The following ASTN2 variants were observed in gnomAD, a reference collection of about 807,000 sequenced individuals.
The protein encoded by ASTN2 is astrotactin-2.
ASTN2 carries 54 observed loss-of-function variants against 139.8 expected under a neutral mutation model. The observed-to-expected ratio is 0.39, with a 90% CI of 0.31 to 0.48. The LOEUF (loss-of-function observed/expected upper bound fraction) is 0.48. Among genes scored for constraint, ASTN2 ranks in the 20% least tolerant of loss-of-function variants. ASTN2 has a pLI of 0.95. For missense variants in ASTN2, 1,565 were observed against 1,725.1 expected, an observed-to-expected ratio of 0.91 and a Z score of 1.64; for synonymous variants, 756 against 719.5, an observed-to-expected ratio of 1.05 and a Z score of -0.81.
chr9:116,594,554 C>A (rs1449494016), intron 19 of ASTN2, among the ~76,000 whole-genome samples: 1 of 152,162 alleles, frequency 6.6e-6, no homozygotes, highest in Non-Finnish European at 1.5e-5. Flanking sequence ...TCAGAAGAGT[C>A]CAGTCTCACT....
chr9:117,220,028 G>A (rs951241106), intron 2 of ASTN2, among the ~76,000 whole-genome samples: 1 of 152,212 alleles, frequency 6.6e-6, no homozygotes, highest in African/African-American at 2.4e-5. Context: ...CCTTTAAAAT[G>A]AGGCTGATAG....
rs753750308 is a variant in ASTN2 at position 116,975,240 on chromosome 9, A to G, written c.1857T>C (p.Asp619=). The G allele has an allele frequency of 6.8e-6, 11 of 1,613,374 alleles. No homozygotes were observed. Among genetic ancestry groups the G allele is most frequent in the South Asian group, 1.1e-5 (1 of 90,904 alleles). ...SINPLASCKT[D]VLVTEDPADV... The stretch of plus-strand genomic sequence containing the variant: ...CTGCAGGGTCTTCCGTGACGAGCAC[A>G]TCGGTCTTGCAGCTGGCCAGGGGGT... The change falls in exon 10 of 23, where the codon GAT becomes GAC. Residue 619 remains aspartate, a synonymous_variant. Coordinates refer to ENST00000313400, the MANE Select transcript of ASTN2 (RefSeq NM_001365068.1).
At chr9:117,112,255 GT>G (rs910039945) in intron 4 of ASTN2, among the ~76,000 whole-genome samples, 2,340 of 145,158 alleles carry the variant, frequency 0.016, 65 homozygotes, top group African/African-American at 0.054. Flanking sequence ...TCCCAACAAG[GT>G]TTTTTTTTTT....
At chr9:116,878,255 G>A (rs1336999994) in intron 10 of ASTN2, among the ~76,000 whole-genome samples, 2 of 152,198 alleles carry the variant, frequency 1.3e-5, no homozygotes, top group African/African-American at 4.8e-5. Context: ...CATGGCATGT[G>A]TATGTTCATT....
chr9:116,900,674 C>G (rs1035933258), intron 10 of ASTN2, among the ~76,000 whole-genome samples: 1 of 152,136 alleles, frequency 6.6e-6, no homozygotes, highest in Admixed American at 6.5e-5. Context: ...ACCATTGGTT[C>G]CAGCTCATCC....
chr9:116,584,210 GTGA>G (rs1313519541), intron 19 of ASTN2: 3 of 152,232 alleles, frequency 2.0e-5, no homozygotes, highest in Admixed American at 6.5e-5. Context: ...GGAAATTTGA[GTGA>G]TGTGTCTCCC....
At position 117,291,463 on chromosome 9, in the gene ASTN2, A is replaced by T. The variant is rs1372647455; in HGVS notation, c.493T>A (p.Trp165Arg). 2.5e-6 allele frequency: 4 copies of T among 1,613,824 alleles called. No homozygotes were observed. The East Asian group carries it at 6.7e-5, about 27-fold the overall frequency. ...DISLVHWRQQWLENGTLYFHV... is the reference protein window; with the variant it reads ...DISLVHWRQQRLENGTLYFHV... ...AAGTACAAGGTGCCATTCTCCAGCC[A>T]CTGCTGTCTCCAGTGCACCAGCGAG... is the stretch of plus-strand genomic sequence containing the variant. Residue 165 changes from tryptophan (W) to arginine (R), a missense_variant, in exon 2 of 23, where the codon TGG becomes AGG. Trp to Arg is a moderately radical substitution (Grantham distance 101). Around this residue, in one of 4 missense-constraint regions of ASTN2, gnomAD observed 596 missense variants for 576.8 expected, o/e 1.03. Transcript: ENST00000313400.
In ASTN2 at chr9:116,468,289, GAC is replaced by G. The variant is rs143742177; in HGVS notation, c.3497+19068_3497+19069del. 6.5e-3 allele frequency among the ~76,000 whole-genome samples: 990 copies of G among 152,296 alleles called. 9 individuals carry two copies. Among genetic ancestry groups the G allele is most frequent in the African/African-American group, 0.023 (954 of 41,566 alleles). ...TAAAAATTAGTAAGGAAGAAATGGG[GAC>G]TTTTGCCAACTCAAATAGGCTTACT... is the stretch of plus-strand genomic sequence containing the variant. On this transcript the variant is annotated intron_variant, in intron 20 of 22. Coordinates refer to ENST00000313400, the MANE Select transcript of ASTN2 (RefSeq NM_001365068.1).
At chr9:116,758,769 G>A (rs1472334406) in intron 13 of ASTN2, among the ~76,000 whole-genome samples, 1 of 152,198 alleles carries the variant, frequency 6.6e-6, no homozygotes, top group Non-Finnish European at 1.5e-5. Flanking sequence ...ACTGGGGCAG[G>A]TGTTTCATGG....
intron 1 of ASTN2, among the ~76,000 whole-genome samples, chr9:117,299,421 A>T (rs939035720): frequency 6.6e-6 from 1 of 152,182 alleles, no homozygotes. Context: ...GCTTAGAGGA[A>T]AGGAGATTAC....
chr9:116,763,486 G>T (rs56688336), intron 13 of ASTN2, among the ~76,000 whole-genome samples: 11,457 of 151,970 alleles, frequency 0.075, 729 homozygotes, highest in African/African-American at 0.17. Context: ...TTCTTCTCCA[G>T]GCCAAACCCA....
intron 13 of ASTN2, among the ~76,000 whole-genome samples, chr9:116,793,235 AT>A (rs1357717043): frequency 2.0e-5 from 3 of 152,218 alleles, no homozygotes; most frequent in Admixed American, 6.5e-5. Context: ...TATACATAAA[AT>A]TGTTCACTGA....
At chr9:117,147,887 G>A (rs1588016464) in intron 3 of ASTN2, among the ~76,000 whole-genome samples, 2 of 152,284 alleles carry the variant, frequency 1.3e-5, no homozygotes, top group East Asian at 3.9e-4. Context: ...GTTGGCTGGA[G>A]ATGGGTATGT....
At chr9:116,882,002 A>T (rs1291492380) in intron 10 of ASTN2, among the ~76,000 whole-genome samples, 1 of 152,194 alleles carries the variant, frequency 6.6e-6, no homozygotes, top group African/African-American at 2.4e-5. Context: ...ATTGTTAAGC[A>T]CTCAGTGCCT....
intron 19 of ASTN2, among the ~76,000 whole-genome samples, chr9:116,515,004 T>C (rs1850583049): frequency 6.6e-6 from 1 of 152,076 alleles, no homozygotes; most frequent in Non-Finnish European, 1.5e-5. Context: ...CCCACTGTCC[T>C]GCACCCACTG....
chr9:116,668,753 A>G (rs1208343498), intron 16 of ASTN2, among the ~76,000 whole-genome samples: 1 of 152,208 alleles, frequency 6.6e-6, no homozygotes, highest in Non-Finnish European at 1.5e-5. Context: ...CACAATTGCA[A>G]AGATCACATG....
At chr9:116,779,470 T>C (rs1395708019) in intron 13 of ASTN2, among the ~76,000 whole-genome samples, 1 of 148,416 alleles carries the variant, frequency 6.7e-6, no homozygotes, top group Non-Finnish European at 1.5e-5. Flanking sequence ...AAAATAAATA[T>C]CTATTCTTTA....
intron 17 of ASTN2, among the ~76,000 whole-genome samples, chr9:116,635,525 C>A (rs1246948872): frequency 6.6e-6 from 1 of 152,084 alleles, no homozygotes; most frequent in Non-Finnish European, 1.5e-5. Context: ...ATTATCTATA[C>A]CTATATATTC....
chr9:117,240,451 T>C (rs191332565), intron 2 of ASTN2, among the ~76,000 whole-genome samples: 1 of 152,248 alleles, frequency 6.6e-6, no homozygotes, highest in Non-Finnish European at 1.5e-5. Flanking sequence ...GAAGCAATGC[T>C]TTCAATGGGT....
Sources: gnomAD v4.1 joint callset for allele counts (sites outside exome capture counted in the v4.1 genomes callset) on GRCh38, gnomAD v4.1.1 for gene constraint, gnomAD v4.1.1 regional missense constraint, MANE v1.5 for transcripts, NCBI Gene and HGNC (gene_info 2026-07-23, HGNC 2026-07-21) for gene names.